Variants in ROBO1 observed in about 807,000 individuals in gnomAD.
The protein encoded by ROBO1 is roundabout guidance receptor 1.
A neutral mutation model predicts 195.9 loss-of-function variants in ROBO1; 149 were observed. The ratio of observed to expected loss-of-function variants is 0.76; its 90% CI spans 0.67 to 0.87. The LOEUF (loss-of-function observed/expected upper bound fraction) is 0.87. Ranked by LOEUF, ROBO1 falls within the 40% of genes least tolerant of loss-of-function variation. The pLI is 0.00. For synonymous variants in ROBO1, 816 were observed against 733.2 expected, an observed-to-expected ratio of 1.11 and a Z score of -1.82; for missense variants, 1,933 against 2,068.3, an observed-to-expected ratio of 0.93 and a Z score of 1.27.
At position 78,970,414 on chromosome 3, in the gene ROBO1, C is replaced by T. The variant is rs376165220; in HGVS notation, c.173-31487G>A. Among the ~76,000 whole-genome samples the T allele has an allele frequency of 3.1e-4, 47 of 152,218 alleles. 1 individual carries two copies. Among genetic ancestry groups the T allele is most frequent in the African/African-American group, 1.0e-3 (43 of 41,556 alleles). ...ACACTGCAGGGTGATATAAACAGCT[C>T]TTTTATCACAGGCGTCCAACCTTCA... On this transcript the variant is annotated intron_variant, in intron 3 of 30. Coordinates refer to ENST00000464233, the MANE Select transcript of ROBO1 (RefSeq NM_002941.4).
At chr3:79,508,286 A>G (rs907618203) in intron 2 of ROBO1, among the ~76,000 whole-genome samples, 1 of 152,162 alleles carries the variant, frequency 6.6e-6, no homozygotes, top group Non-Finnish European at 1.5e-5. Context: ...AGATTAGGAC[A>G]GAGGCAAACA....
intron 2 of ROBO1, among the ~76,000 whole-genome samples, chr3:79,465,595 C>T (rs1937914993): frequency 6.6e-6 from 1 of 152,084 alleles, no homozygotes; most frequent in Admixed American, 6.6e-5. Context: ...GAAGTATTCT[C>T]ATTATTTATC....
intron 5 of ROBO1, among the ~76,000 whole-genome samples, chr3:78,743,523 C>T (rs934931388): frequency 1.3e-5 from 2 of 152,078 alleles, no homozygotes; most frequent in African/African-American, 4.8e-5. Flanking sequence ...CAATCATTCC[C>T]TTGGTGATTG....
chr3:78,845,477 T>C (rs758619442), intron 4 of ROBO1, among the ~76,000 whole-genome samples: 1 of 152,172 alleles, frequency 6.6e-6, no homozygotes, highest in Non-Finnish European at 1.5e-5. Flanking sequence ...ATTTTATATG[T>C]ATACACTTTA....
chr3:79,140,187 T>C (rs1244512402), intron 2 of ROBO1, among the ~76,000 whole-genome samples: 1 of 152,160 alleles, frequency 6.6e-6, no homozygotes, highest in Admixed American at 6.6e-5. Context: ...TTATTGCCAC[T>C]TCCCTTAAGT....
intron 4 of ROBO1, among the ~76,000 whole-genome samples, chr3:78,873,591 A>G (rs1422295302): frequency 6.6e-6 from 1 of 152,168 alleles, no homozygotes. Context: ...TCCTACAAAA[A>G]TTTCTAATAT....
At chr3:78,725,351 T>A (rs2082137368) in intron 5 of ROBO1, among the ~76,000 whole-genome samples, 1 of 137,332 alleles carries the variant, frequency 7.3e-6, no homozygotes, top group Admixed American at 8.0e-5. Flanking sequence ...AAACTTCCTA[T>A]TTTTCTTTGT....
intron 8 of ROBO1, among the ~76,000 whole-genome samples, chr3:78,710,733 C>A (rs2081663466): frequency 6.6e-6 from 1 of 152,176 alleles, no homozygotes; most frequent in African/African-American, 2.4e-5. Context: ...TGTCCATTCT[C>A]TTAGCTACAC....
chr3:79,493,456 G>A (rs1467437802), intron 2 of ROBO1, among the ~76,000 whole-genome samples: 3 of 151,896 alleles, frequency 2.0e-5, no homozygotes, highest in African/African-American at 7.2e-5. Flanking sequence ...GTTAGACACT[G>A]TGCTAAGACC....
At chr3:79,368,928 A>G (rs2036080211) in intron 2 of ROBO1, among the ~76,000 whole-genome samples, 1 of 152,138 alleles carries the variant, frequency 6.6e-6, no homozygotes, top group East Asian at 1.9e-4. Flanking sequence ...TTCTTTAAGT[A>G]ACACCTGCTC....
At chr3:79,605,332 G>T (rs962561600) in intron 1 of ROBO1, among the ~76,000 whole-genome samples, 1 of 150,000 alleles carries the variant, frequency 6.7e-6, no homozygotes, top group African/African-American at 2.5e-5. Flanking sequence ...TCTCTTTCTA[G>T]ATTCTTTTCT....
intron 3 of ROBO1, among the ~76,000 whole-genome samples, chr3:78,961,412 A>G (rs1489461379): frequency 6.6e-6 from 1 of 152,214 alleles, no homozygotes; most frequent in African/African-American, 2.4e-5. Context: ...GAATAGTAAG[A>G]ACAAATGGAG....
At chr3:79,519,918 G>A (rs939485104) in intron 2 of ROBO1, among the ~76,000 whole-genome samples, 1 of 151,934 alleles carries the variant, frequency 6.6e-6, no homozygotes, top group African/African-American at 2.4e-5. Context: ...CAGTACTTTG[G>A]GATACTGAGA....
intron 1 of ROBO1, among the ~76,000 whole-genome samples, chr3:79,686,443 A>G (rs1947116247): frequency 6.6e-6 from 1 of 152,196 alleles, no homozygotes; most frequent in African/African-American, 2.4e-5. Context: ...CCCTGTTTGC[A>G]GATGACATGA....
chr3:79,182,021 G>T, intron 2 of ROBO1, among the ~76,000 whole-genome samples: 1 of 150,590 alleles, frequency 6.6e-6, no homozygotes, highest in Admixed American at 6.6e-5. Context: ...ATGTGGTATT[G>T]GAAATCAAGG....
At chr3:78,696,645 TATATATACAC>T (rs979787548) in intron 8 of ROBO1, among the ~76,000 whole-genome samples, 31 of 147,752 alleles carry the variant, frequency 2.1e-4, no homozygotes, top group African/African-American at 7.7e-4. Flanking sequence ...CATATATATA[TATATATACAC>T]ATATATATAC....
intron 3 of ROBO1, among the ~76,000 whole-genome samples, chr3:78,958,044 G>GT (rs1484316793): frequency 1.3e-5 from 2 of 152,026 alleles, no homozygotes; most frequent in Non-Finnish European, 2.9e-5. Flanking sequence ...AAGGTTCTTG[G>GT]TTTTTTATAT....
chr3:79,699,689 T>C (rs1947557380), intron 1 of ROBO1, among the ~76,000 whole-genome samples: 1 of 151,600 alleles, frequency 6.6e-6, no homozygotes, highest in Non-Finnish European at 1.5e-5. Flanking sequence ...TCACAGTTTT[T>C]AGTTAACCAA....
intron 1 of ROBO1, among the ~76,000 whole-genome samples, chr3:79,705,834 C>A (rs1185329176): frequency 2.0e-5 from 3 of 151,978 alleles, no homozygotes; most frequent in African/African-American, 7.2e-5. Flanking sequence ...TCATTTATTT[C>A]TTTGTTTTCT....
Sources: gnomAD v4.1 joint callset for allele counts (sites outside exome capture counted in the v4.1 genomes callset) on GRCh38, gnomAD v4.1.1 for gene constraint, MANE v1.5 for transcripts, NCBI Gene and HGNC (gene_info 2026-07-23, HGNC 2026-07-21) for gene names.